PRKCE: variants seen among roughly 807,000 people sequenced by gnomAD.
PRKCE encodes the protein protein kinase C epsilon type.
A neutral mutation model predicts 85.4 loss-of-function variants in PRKCE; 16 were observed. The ratio of observed to expected loss-of-function variants is 0.19; its 90% CI spans 0.13 to 0.28. The LOEUF (loss-of-function observed/expected upper bound fraction) is 0.28. Ranked by LOEUF, PRKCE falls within the 10% of genes least tolerant of loss-of-function variation. The pLI is 1.00. For synonymous variants in PRKCE, 388 were observed against 371.5 expected, an observed-to-expected ratio of 1.04 and a Z score of -0.51; for missense variants, 573 against 975.2, an observed-to-expected ratio of 0.59 and a Z score of 5.49.
intron 2 of PRKCE, among the ~76,000 whole-genome samples, chr2:45,950,821 A>G (rs1700568892): frequency 6.6e-6 from 1 of 152,168 alleles, no homozygotes; most frequent in Non-Finnish European, 1.5e-5. Flanking sequence ...CAGCTGGTGG[A>G]CAAGAGGGAG....
chr2:45,792,463 A>G (rs1190706696), intron 1 of PRKCE, among the ~76,000 whole-genome samples: 1 of 152,018 alleles, frequency 6.6e-6, no homozygotes, highest in Non-Finnish European at 1.5e-5. Context: ...GTCACTTTCC[A>G]TCCCTACCCC....
intron 10 of PRKCE, among the ~76,000 whole-genome samples, chr2:46,025,430 A>G (rs1707029300): frequency 6.6e-6 from 1 of 152,166 alleles, no homozygotes; most frequent in Non-Finnish European, 1.5e-5. Flanking sequence ...AAAAGACACA[A>G]TCCTTGTTCA....
At position 46,076,448 on chromosome 2, in the gene PRKCE, A is replaced by G. The variant is rs769261819; in HGVS notation, c.1438-9760A>G. On this transcript the variant is annotated intron_variant, in intron 10 of 14. Coordinates refer to ENST00000306156, the MANE Select transcript of PRKCE (RefSeq NM_005400.3). ...GACAGGGTGGCGGTAATTTGAGGTCATTCCCTGGGATAAGCAACTCTAATT... is the reference window on the plus strand; with the variant it reads ...GACAGGGTGGCGGTAATTTGAGGTCGTTCCCTGGGATAAGCAACTCTAATT... 2.6e-5 allele frequency among the ~76,000 whole-genome samples: 4 copies of G among 152,314 alleles called. No individual in the cohort carries two copies. The South Asian group carries it at 6.2e-4, about 24-fold the overall frequency.
At chr2:45,778,595 G>A (rs1685943521) in intron 1 of PRKCE, among the ~76,000 whole-genome samples, 1 of 152,078 alleles carries the variant, frequency 6.6e-6, no homozygotes. Flanking sequence ...CTCCTCATGG[G>A]GTTTCATTAT....
chr2:46,046,890 T>G (rs1252606395), intron 10 of PRKCE, among the ~76,000 whole-genome samples: 1 of 152,190 alleles, frequency 6.6e-6, no homozygotes, highest in Non-Finnish European at 1.5e-5. Flanking sequence ...CATTGAGTGA[T>G]CATTGGTAGG....
At chr2:45,904,020 C>T (rs1377631617) in intron 2 of PRKCE, among the ~76,000 whole-genome samples, 3 of 151,894 alleles carry the variant, frequency 2.0e-5, no homozygotes, top group Admixed American at 6.6e-5. Context: ...TCTCGTGCCT[C>T]ACCCTTTGGA....
Position 46,106,517 on chromosome 2 carries a change from A to G in PRKCE, c.1592+20155A>G, listed in dbSNP as rs541146348. On this transcript the variant is annotated intron_variant, in intron 11 of 14. Transcript: ENST00000306156. The stretch of plus-strand genomic sequence containing the variant: ...TTAAACAATAGAAATGTATTTTCTC[A>G]TAGTTCTGGAGGCTGGATGTTCAAG... Among the ~76,000 whole-genome samples, 6 of 152,350 alleles carry G rather than the reference A, an allele frequency of 3.9e-5. No individual in the cohort carries two copies. The South Asian group carries it at 8.3e-4, about 21-fold the overall frequency.
chr2:46,174,240 T>C (rs927331553), intron 14 of PRKCE, among the ~76,000 whole-genome samples: 1 of 152,192 alleles, frequency 6.6e-6, no homozygotes, highest in Non-Finnish European at 1.5e-5. Context: ...CAGGACCCTT[T>C]CCGTTGGGCT....
chr2:46,012,918 C>T (rs1033398604), intron 10 of PRKCE, among the ~76,000 whole-genome samples: 5 of 152,134 alleles, frequency 3.3e-5, no homozygotes, highest in African/African-American at 9.7e-5. Context: ...TCATGGATGG[C>T]TGTAGGGTGA....
chr2:45,965,484 CA>C (rs994079656), intron 2 of PRKCE, among the ~76,000 whole-genome samples: 1 of 152,166 alleles, frequency 6.6e-6, no homozygotes, highest in African/African-American at 2.4e-5. Flanking sequence ...GTAGACTCCC[CA>C]GAGATTGAGA....
At chr2:45,906,187 C>G (rs1696960128) in intron 2 of PRKCE, among the ~76,000 whole-genome samples, 1 of 152,232 alleles carries the variant, frequency 6.6e-6, no homozygotes, top group Non-Finnish European at 1.5e-5. Flanking sequence ...TGAAGAATCT[C>G]AACCACCTGG....
At chr2:46,113,448 A>G (rs957679493) in intron 11 of PRKCE, among the ~76,000 whole-genome samples, 4 of 152,208 alleles carry the variant, frequency 2.6e-5, no homozygotes, top group Non-Finnish European at 5.9e-5. Flanking sequence ...AGGGGCCCAA[A>G]TCATAGATAT....
intron 2 of PRKCE, among the ~76,000 whole-genome samples, chr2:45,886,378 A>G (rs149226673): frequency 2.7e-3 from 410 of 152,280 alleles, no homozygotes; most frequent in South Asian, 5.4e-3. Flanking sequence ...CCGTCTGGCT[A>G]TCTTAGAGCA....
intron 1 of PRKCE, among the ~76,000 whole-genome samples, chr2:45,715,514 C>G (rs1680013140): frequency 6.6e-6 from 1 of 152,178 alleles, no homozygotes; most frequent in Non-Finnish European, 1.5e-5. Context: ...TCCATCTATC[C>G]AGTGTCCTTC....
At chr2:46,054,449 C>G (rs2105081462) in intron 10 of PRKCE, among the ~76,000 whole-genome samples, 1 of 152,326 alleles carries the variant, frequency 6.6e-6, no homozygotes, top group East Asian at 1.9e-4. Flanking sequence ...TGTCAGAATA[C>G]CCCCTCAGCC....
At chr2:45,880,886 G>A (rs925464808) in intron 2 of PRKCE, among the ~76,000 whole-genome samples, 17 of 152,132 alleles carry the variant, frequency 1.1e-4, no homozygotes, top group Admixed American at 9.2e-4. Context: ...GGGCGCGGTG[G>A]CTCACGCCTG....
intron 14 of PRKCE, among the ~76,000 whole-genome samples, chr2:46,181,048 G>A (rs1679927716): frequency 1.3e-5 from 2 of 152,238 alleles, no homozygotes; most frequent in Non-Finnish European, 2.9e-5. Context: ...AGGCAGGGAT[G>A]ACTGAGGATC....
chr2:46,183,432 T>G (rs147268250), intron 14 of PRKCE, among the ~76,000 whole-genome samples: 1 of 152,360 alleles, frequency 6.6e-6, no homozygotes, highest in African/African-American at 2.4e-5. Flanking sequence ...TGTGAATCTT[T>G]CCACAAGATT....
chr2:45,966,889 T>C (rs767125357), intron 2 of PRKCE, among the ~76,000 whole-genome samples: 2 of 152,182 alleles, frequency 1.3e-5, no homozygotes, highest in South Asian at 2.1e-4. Flanking sequence ...GCTGTCGCTC[T>C]TCCTCAGTGA....
Sources: gnomAD v4.1 joint callset for allele counts (sites outside exome capture counted in the v4.1 genomes callset) on GRCh38, gnomAD v4.1.1 for gene constraint, MANE v1.5 for transcripts, NCBI Gene and HGNC (gene_info 2026-07-23, HGNC 2026-07-21) for gene names.